PRKG1: variants seen among roughly 807,000 people sequenced by gnomAD.
PRKG1 encodes the protein protein kinase cGMP-dependent 1.
Under a neutral mutation model 88.1 loss-of-function variants are expected in PRKG1, and 35 were observed. The ratio of observed to expected loss-of-function variants is 0.40; its 90% CI spans 0.30 to 0.53. The LOEUF is 0.53. PRKG1 is among the 20% of genes least tolerant of loss of function. PRKG1 has a pLI of 0.59. For missense variants in PRKG1, 540 were observed against 839.8 expected, an observed-to-expected ratio of 0.64 and a Z score of 4.41; for synonymous variants, 303 against 292.5, an observed-to-expected ratio of 1.04 and a Z score of -0.37.
At chr10:51,349,114 C>T (rs563808621) in intron 2 of PRKG1, among the ~76,000 whole-genome samples, 4 of 152,256 alleles carry the variant, frequency 2.6e-5, no homozygotes, top group East Asian at 3.9e-4. Flanking sequence ...CTCCTTCATT[C>T]GATGAGGAGT....
chr10:51,671,657 G>A, intron 3 of PRKG1, among the ~76,000 whole-genome samples: 1 of 150,490 alleles, frequency 6.6e-6, no homozygotes, highest in East Asian at 2.0e-4. Flanking sequence ...CACGATTTCA[G>A]CTCACTGCAA....
At chr10:51,609,768 T>C (rs1838857206) in intron 3 of PRKG1, among the ~76,000 whole-genome samples, 1 of 152,104 alleles carries the variant, frequency 6.6e-6, no homozygotes, top group South Asian at 2.1e-4. Context: ...GTTCTCACTT[T>C]TTAGTGGGAG....
At chr10:51,289,868 C>T (rs939486886) in intron 2 of PRKG1, among the ~76,000 whole-genome samples, 7 of 152,100 alleles carry the variant, frequency 4.6e-5, no homozygotes, top group Non-Finnish European at 5.9e-5. Flanking sequence ...GCTTTAACTT[C>T]GAGACTGCAT....
At chr10:52,108,119 G>A (rs1256756645) in intron 7 of PRKG1, among the ~76,000 whole-genome samples, 1 of 152,152 alleles carries the variant, frequency 6.6e-6, no homozygotes, top group Non-Finnish European at 1.5e-5. Flanking sequence ...GAGGTTAAAT[G>A]ACAGCCTGAT....
At chr10:51,115,686 A>G (rs1344124682) in intron 1 of PRKG1, among the ~76,000 whole-genome samples, 1 of 151,756 alleles carries the variant, frequency 6.6e-6, no homozygotes, top group African/African-American at 2.4e-5. Context: ...AAAAATACAA[A>G]AATTAGCCAG....
At chr10:51,169,780 C>T (rs1564625540) in intron 2 of PRKG1, among the ~76,000 whole-genome samples, 1 of 152,088 alleles carries the variant, frequency 6.6e-6, no homozygotes, top group Admixed American at 6.6e-5. Context: ...AATTATCTAA[C>T]CTTTTTAGTC....
intron 2 of PRKG1, among the ~76,000 whole-genome samples, chr10:51,454,870 A>T (rs573774303): frequency 1.3e-5 from 2 of 152,310 alleles, no homozygotes; most frequent in East Asian, 3.9e-4. Flanking sequence ...ACCAAACCAC[A>T]TCATTGTGCA....
chr10:51,468,452 A>G (rs1401411192), intron 3 of PRKG1, among the ~76,000 whole-genome samples: 1 of 151,926 alleles, frequency 6.6e-6, no homozygotes, highest in Non-Finnish European at 1.5e-5. Context: ...GTATGTGTAT[A>G]TATGATTTCT....
intron 5 of PRKG1, among the ~76,000 whole-genome samples, chr10:51,980,078 TTAA>T (rs1386684063): frequency 6.6e-6 from 1 of 152,098 alleles, no homozygotes; most frequent in Non-Finnish European, 1.5e-5. Context: ...TGTTAAGTTG[TTAA>T]TTTGAGATCT....
intron 3 of PRKG1, among the ~76,000 whole-genome samples, chr10:51,764,547 A>G (rs975788849): frequency 3.3e-5 from 5 of 152,178 alleles, no homozygotes; most frequent in African/African-American, 1.2e-4. Flanking sequence ...AACTATGCAA[A>G]GGATGTAGTA....
chr10:51,460,498 T>C (rs1165355172), intron 2 of PRKG1, among the ~76,000 whole-genome samples: 1 of 152,184 alleles, frequency 6.6e-6, no homozygotes, highest in Non-Finnish European at 1.5e-5. Flanking sequence ...AGCTCTCGTT[T>C]ATTTAGGGGA....
intron 2 of PRKG1, among the ~76,000 whole-genome samples, chr10:51,347,409 G>A (rs927270922): frequency 2.0e-5 from 3 of 152,182 alleles, no homozygotes; most frequent in Non-Finnish European, 2.9e-5. Flanking sequence ...ACGAAGAATG[G>A]ATACTTCAGT....
At position 52,090,816 on chromosome 10, in the gene PRKG1, G is replaced by A. The variant is rs192146166; in HGVS notation, c.935+28185G>A. Among the ~76,000 whole-genome samples, 7 of 152,252 alleles carry A rather than the reference G, an allele frequency of 4.6e-5. No homozygotes were observed. In the East Asian group the frequency reaches 1.4e-3, roughly 29 times the overall value. On this transcript the variant is annotated intron_variant, in intron 7 of 17. Coordinates refer to ENST00000373980, the MANE Select transcript of PRKG1 (RefSeq NM_006258.4). The stretch of plus-strand genomic sequence containing the variant: ...AATCAATTAGCACATTACATAAAAT[G>A]AGTATTGAGGTATAAATAAATGAGA...
chr10:51,832,062 A>C (rs545792249), intron 4 of PRKG1, among the ~76,000 whole-genome samples: 1 of 152,292 alleles, frequency 6.6e-6, no homozygotes, highest in East Asian at 1.9e-4. Flanking sequence ...ACAGGTGAAA[A>C]TATCAGGCAT....
intron 3 of PRKG1, chr10:51,697,975 T>A: frequency 6.2e-7 from 1 of 1,606,688 alleles, no homozygotes; most frequent in Non-Finnish European, 8.5e-7. Context: ...GCATCCCTCC[T>A]CCTTGTATGC....
chr10:51,147,410 C>T (rs376418875), intron 1 of PRKG1, among the ~76,000 whole-genome samples: 13 of 148,928 alleles, frequency 8.7e-5, no homozygotes, highest in African/African-American at 2.5e-4. Context: ...AAATATGTAC[C>T]GTTACTACAT....
intron 1 of PRKG1, among the ~76,000 whole-genome samples, chr10:51,095,161 T>C (rs2131871363): frequency 6.6e-6 from 1 of 152,316 alleles, no homozygotes; most frequent in South Asian, 2.1e-4. Flanking sequence ...ACATCACTGC[T>C]AAGAGGCACA....
intron 1 of PRKG1, among the ~76,000 whole-genome samples, chr10:51,066,275 C>G (rs1049906478): frequency 6.6e-6 from 1 of 152,024 alleles, no homozygotes; most frequent in Non-Finnish European, 1.5e-5. Context: ...AATCCTGTGA[C>G]CCAGTCTAAT....
intron 5 of PRKG1, among the ~76,000 whole-genome samples, chr10:51,912,082 A>G (rs954574330): frequency 2.0e-5 from 3 of 152,208 alleles, no homozygotes; most frequent in African/African-American, 7.2e-5. Context: ...TAAGGGAAGA[A>G]CTCTCTGAGG....
Sources: allele counts gnomAD v4.1 joint callset (sites outside exome capture counted in the v4.1 genomes callset), GRCh38; gene constraint gnomAD v4.1.1; transcripts MANE v1.5; gene names NCBI Gene and HGNC (gene_info 2026-07-23, HGNC 2026-07-21).